The following OR2C1 variants were observed in gnomAD, a reference collection of about 807,000 sequenced individuals.
OR2C1 encodes the protein olfactory receptor family 2 subfamily C member 1, also known as olfactory receptor 2C1.
For synonymous variants in OR2C1, 209 were observed against 167.3 expected (o/e 1.25, Z -1.92); for missense variants, 468 against 388.3 (o/e 1.21, Z -1.73).
At chr16:3,351,119 G>T (rs1312848002), upstream of OR2C1, among the ~76,000 whole-genome samples, 11 of 148,888 alleles carry the variant, frequency 7.4e-5, no homozygotes, top group Admixed American at 7.4e-4. Context: ...TTTTTCTCTT[G>T]CCAAAGAATT....
At chr16:3,344,493 C>T in the OR2C1 span, among the ~76,000 whole-genome samples, 67 of 152,062 alleles carry the variant, frequency 4.4e-4, 1 homozygote, top group Admixed American at 4.1e-3. Context: ...TTTGGGAGGC[C>T]GAGGCGGGTG....
At chr16:3,334,428 A>G in the OR2C1 span, among the ~76,000 whole-genome samples, 1 of 151,382 alleles carries the variant, frequency 6.6e-6, no homozygotes, top group Non-Finnish European at 1.5e-5. Flanking sequence ...GAGTCACCTC[A>G]GCACAGCCTG....
upstream of OR2C1, among the ~76,000 whole-genome samples, chr16:3,351,193 T>G (rs2150850155): frequency 7.3e-6 from 1 of 137,612 alleles, no homozygotes; most frequent in East Asian, 2.3e-4. Context: ...TGCTCTGAAT[T>G]TAAGTCTTTT....
chr16:3,356,230 G>C lies in OR2C1; in HGVS notation c.290G>C (p.Cys97Ser). ...GGCAAGACCATCAGCTATGGTGGCT[G>C]CATAACCCAGCTCTATGTCTTCCTT... is the stretch of plus-strand genomic sequence containing the variant. The part of the protein sequence containing the change: ...GPGKTISYGG[C>S]ITQLYVFLWL... Residue 97 changes from cysteine to serine, a missense_variant, in exon 1 of 1, where the codon TGC (cysteine) becomes TCC (serine). By Grantham distance (112) the Cys-to-Ser change is moderately radical. Coordinates refer to ENST00000304936, the MANE Select transcript of OR2C1 (RefSeq NM_012368.3). The C allele has an allele frequency of 6.2e-7, 1 of 1,614,110 alleles. No individual in the cohort carries two copies. The highest frequency in any genetic ancestry group is 8.5e-7 in the Non-Finnish European group (1 of 1,180,048).
At chr16:3,326,411 A>G in the OR2C1 span, among the ~76,000 whole-genome samples, 463 of 152,350 alleles carry the variant, frequency 3.0e-3, 2 homozygotes, top group African/African-American at 0.01. Context: ...CCACTTCTAC[A>G]GACCATCCAG....
the OR2C1 span, among the ~76,000 whole-genome samples, chr16:3,344,447 G>A: frequency 6.6e-6 from 1 of 152,116 alleles, no homozygotes; most frequent in East Asian, 1.9e-4. Flanking sequence ...AAATTTGATG[G>A]CCGGGCACGG....
At chr16:3,347,424 G>A in the OR2C1 span, among the ~76,000 whole-genome samples, 1 of 151,582 alleles carries the variant, frequency 6.6e-6, no homozygotes, top group East Asian at 1.9e-4. Context: ...AAATTATCAA[G>A]GTAATGCAGG....
rs766354189 is a variant in OR2C1 at position 3,356,481 on chromosome 16, G to A, written c.541G>A (p.Val181Met). The A allele has an allele frequency of 1.2e-6, 2 of 1,614,058 alleles. No individual in the cohort carries two copies. The highest frequency in any genetic ancestry group is 8.5e-7 in the Non-Finnish European group (1 of 1,180,052). ...GAGGGTGGAGGGATTCCTCTGCGAG[G>A]TGCCTGCCATGATCAAACTGGCCTG... ...HRRVEGFLCEVPAMIKLACGD... is the reference protein window; with the variant it reads ...HRRVEGFLCEMPAMIKLACGD... Residue 181 changes from valine (V) to methionine (M), a missense_variant, in exon 1 of 1, where the codon GTG (valine) becomes ATG (methionine). By Grantham distance (21) the Val-to-Met change is conservative. Coordinates refer to ENST00000304936, the MANE Select transcript of OR2C1 (RefSeq NM_012368.3).
the OR2C1 span, among the ~76,000 whole-genome samples, chr16:3,345,643 A>G: frequency 6.6e-6 from 1 of 152,200 alleles, no homozygotes; most frequent in Non-Finnish European, 1.5e-5. Context: ...CATATCAAAC[A>G]CATCAATAGA....
Position 3,356,374 on chromosome 16 carries a change from C to T in OR2C1, c.434C>T (p.Ala145Val). The T allele has an allele frequency of 6.2e-7, 1 of 1,613,748 alleles. No homozygotes were observed. Among genetic ancestry groups the T allele is most frequent in the Non-Finnish European group, 8.5e-7 (1 of 1,180,034 alleles). ...IMNPQLCWLL[A>V]VIACLGGLGN... ...AACCCCCAGCTCTGCTGGCTGCTGGCTGTGATTGCCTGCCTGGGTGGCTTG... is the reference window on the plus strand; with the variant it reads ...AACCCCCAGCTCTGCTGGCTGCTGGTTGTGATTGCCTGCCTGGGTGGCTTG... The change falls in exon 1 of 1, where the codon GCT (alanine) becomes GTT (valine). Residue 145 changes from alanine (A) to valine (V), a missense_variant. By Grantham distance (64) the Ala-to-Val change is moderately conservative. Transcript: ENST00000304936.
chr16:3,324,811 A>G, the OR2C1 span, among the ~76,000 whole-genome samples: 212 of 152,262 alleles, frequency 1.4e-3, no homozygotes, highest in African/African-American at 5.0e-3. Context: ...TTACATATAC[A>G]TATATATGCT....
At chr16:3,354,939 G>C (rs1254993252), upstream of OR2C1, among the ~76,000 whole-genome samples, 3 of 152,158 alleles carry the variant, frequency 2.0e-5, no homozygotes, top group South Asian at 6.2e-4. Context: ...TGAAATTTCA[G>C]TCTGACTGAA....
chr16:3,323,007 A>T, the OR2C1 span: 1 of 823,274 alleles, frequency 1.2e-6, no homozygotes, highest in Non-Finnish European at 1.5e-6. Flanking sequence ...CTGGACTGTG[A>T]TGAGAGGTAC....
the OR2C1 span, among the ~76,000 whole-genome samples, chr16:3,343,346 T>G: frequency 5.3e-5 from 8 of 152,194 alleles, no homozygotes; most frequent in African/African-American, 1.4e-4. Flanking sequence ...GCGATCCTTT[T>G]GCCTCCCAAA....
chr16:3,343,301 T>G, the OR2C1 span, among the ~76,000 whole-genome samples: 1 of 152,202 alleles, frequency 6.6e-6, no homozygotes, highest in African/African-American at 2.4e-5. Context: ...AGTCTTTCTG[T>G]GTTGCCCAGG....
At chr16:3,353,134 A>G (rs542651726), upstream of OR2C1, among the ~76,000 whole-genome samples, 10 of 152,242 alleles carry the variant, frequency 6.6e-5, no homozygotes, top group East Asian at 1.9e-3. Context: ...AACTTCTGAA[A>G]AGAAAGATGA....
chr16:3,345,127 C>A, the OR2C1 span, among the ~76,000 whole-genome samples: 2 of 151,872 alleles, frequency 1.3e-5, no homozygotes, highest in African/African-American at 2.4e-5. Flanking sequence ...CCTGGACGTA[C>A]CTTTGAACAC....
chr16:3,330,561 T>A, the OR2C1 span, among the ~76,000 whole-genome samples: 1 of 152,208 alleles, frequency 6.6e-6, no homozygotes, highest in Admixed American at 6.5e-5. Flanking sequence ...AGGTAACTTT[T>A]TTTTGCCTTG....
chr16:3,352,148 C>T (rs993057510), upstream of OR2C1, among the ~76,000 whole-genome samples: 1 of 151,620 alleles, frequency 6.6e-6, no homozygotes, highest in Non-Finnish European at 1.5e-5. Flanking sequence ...ACAGAGTCTC[C>T]CTCTGTCGCC....
Sources: allele counts gnomAD v4.1 joint callset (sites outside exome capture counted in the v4.1 genomes callset), GRCh38; gene constraint gnomAD v4.1.1; transcripts MANE v1.5; gene names NCBI Gene and HGNC (gene_info 2026-07-23, HGNC 2026-07-21).